KCNMA1: variants seen among roughly 807,000 people sequenced by gnomAD.
KCNMA1 encodes the protein Calcium-activated potassium channel subunit alpha-1.
A neutral mutation model predicts 140.0 loss-of-function variants in KCNMA1; 29 were observed. The observed-to-expected ratio is 0.21, with a 90% confidence interval of 0.15 to 0.28. KCNMA1 has a LOEUF of 0.28. Among genes scored for constraint, KCNMA1 ranks in the 10% least tolerant of loss-of-function variants. The pLI is 1.00. For synonymous variants in KCNMA1, 612 were observed against 611.9 expected, an observed-to-expected ratio of 1.00 and a Z score of 0.00; for missense variants, 880 against 1,602.2, an observed-to-expected ratio of 0.55 and a Z score of 7.70.
chr10:77,127,936 T>C (rs77746674), intron 5 of KCNMA1, among the ~76,000 whole-genome samples: 4,776 of 152,078 alleles, frequency 0.031, 124 homozygotes, highest in Non-Finnish European at 0.053. Flanking sequence ...ATCTCGCCAC[T>C]GCACTCCAGC....
chr10:77,005,094 G>A (rs1281699443), intron 18 of KCNMA1, among the ~76,000 whole-genome samples: 4 of 152,164 alleles, frequency 2.6e-5, no homozygotes, highest in African/African-American at 9.7e-5. Flanking sequence ...TCCCCAGGAT[G>A]TCAATGGTAA....
intron 1 of KCNMA1, among the ~76,000 whole-genome samples, chr10:77,405,364 T>C (rs1203983748): frequency 6.6e-6 from 1 of 152,252 alleles, no homozygotes; most frequent in East Asian, 1.9e-4. Flanking sequence ...TCCCCACTGC[T>C]GCAGCCTTGG....
At chr10:76,918,918 T>TCACACACACACACA (rs71477059) in intron 23 of KCNMA1, among the ~76,000 whole-genome samples, 49 of 144,252 alleles carry the variant, frequency 3.4e-4, no homozygotes, top group Middle Eastern at 3.7e-3. Flanking sequence ...ATATATCACA[T>TCACACACACACACA]CACACACACA....
intron 1 of KCNMA1, among the ~76,000 whole-genome samples, chr10:77,564,846 T>C (rs1384359738): frequency 2.0e-5 from 3 of 151,840 alleles, no homozygotes; most frequent in African/African-American, 7.3e-5. Flanking sequence ...AGTAGAGGAG[T>C]TCAGAAGTTC....
chr10:77,236,259 A>C lies in KCNMA1; in HGVS notation c.602+14936T>G, dbSNP rs143355165. On this transcript the variant is annotated intron_variant, in intron 3 of 27. Coordinates refer to ENST00000286628, the MANE Select transcript of KCNMA1 (RefSeq NM_001161352.2). ...GAGATAATGAAAGCACCATATTTGG[A>C]TCTTTCCCAGACTCTGGCCTATGTA... 2.8e-3 allele frequency among the ~76,000 whole-genome samples: 430 copies of C among 152,306 alleles called. 3 individuals carry two copies. The highest frequency in any genetic ancestry group is 9.9e-3 in the African/African-American group (410 of 41,562).
Position 77,230,409 on chromosome 10 carries a change from G to A in KCNMA1, c.602+20786C>T, listed in dbSNP as rs575571570. On this transcript the variant is annotated intron_variant, in intron 3 of 27. Transcript: ENST00000286628. The stretch of plus-strand genomic sequence containing the variant: ...TGAAGGTACGAATCACCACTGTATC[G>A]TACACATTAAAATGGCTAATAGTTA... Among the ~76,000 whole-genome samples the A allele has an allele frequency of 7.9e-5, 12 of 152,276 alleles. No individual in the cohort carries two copies. In the South Asian group the frequency reaches 1.9e-3, roughly 24 times the overall value.
chr10:77,067,615 G>T (rs901825124), intron 14 of KCNMA1, among the ~76,000 whole-genome samples: 1 of 152,138 alleles, frequency 6.6e-6, no homozygotes, highest in African/African-American at 2.4e-5. Flanking sequence ...AGCTCCACTT[G>T]GTTTAGACTC....
chr10:77,386,507 C>A (rs1469995483), intron 2 of KCNMA1, among the ~76,000 whole-genome samples: 4 of 152,160 alleles, frequency 2.6e-5, no homozygotes, highest in African/African-American at 9.7e-5. Context: ...TCTATCCAGT[C>A]GTAGGTTTGC....
intron 23 of KCNMA1, among the ~76,000 whole-genome samples, chr10:76,929,401 C>T (rs867675042): frequency 3.9e-5 from 6 of 152,178 alleles, no homozygotes; most frequent in Non-Finnish European, 7.3e-5. Context: ...ATGGACACCC[C>T]CTGGTTTATT....
At chr10:77,379,118 C>A (rs1189285194) in intron 2 of KCNMA1, among the ~76,000 whole-genome samples, 1 of 152,122 alleles carries the variant, frequency 6.6e-6, no homozygotes, top group East Asian at 1.9e-4. Context: ...TTAATGATTT[C>A]TGTGTTAAAC....
intron 23 of KCNMA1, among the ~76,000 whole-genome samples, chr10:76,943,966 A>C (rs1404211219): frequency 6.6e-6 from 1 of 152,152 alleles, no homozygotes; most frequent in Non-Finnish European, 1.5e-5. Context: ...CCCATCAGGC[A>C]GCCAATGCCA....
chr10:77,351,570 G>A (rs914463205), intron 2 of KCNMA1, among the ~76,000 whole-genome samples: 1 of 152,156 alleles, frequency 6.6e-6, no homozygotes, highest in African/African-American at 2.4e-5. Flanking sequence ...TCTGCCCCTT[G>A]CTTTCTTATT....
At chr10:77,469,591 C>G (rs530508797) in intron 1 of KCNMA1, among the ~76,000 whole-genome samples, 4 of 152,274 alleles carry the variant, frequency 2.6e-5, no homozygotes, top group Admixed American at 2.6e-4. Flanking sequence ...GCACAAAGAC[C>G]TTTAGAAACC....
intron 2 of KCNMA1, among the ~76,000 whole-genome samples, chr10:77,289,918 A>G (rs1242478799): frequency 6.6e-6 from 1 of 152,224 alleles, no homozygotes; most frequent in Non-Finnish European, 1.5e-5. Flanking sequence ...AAGTAAGCCC[A>G]TAAGAGAAAC....
At chr10:77,348,104 A>G (rs2092420389) in intron 2 of KCNMA1, among the ~76,000 whole-genome samples, 2 of 152,342 alleles carry the variant, frequency 1.3e-5, no homozygotes, top group South Asian at 4.1e-4. Flanking sequence ...TAGTTTCACT[A>G]GAATCACCGG....
intron 1 of KCNMA1, among the ~76,000 whole-genome samples, chr10:77,600,073 A>T (rs2249945): frequency 2.6e-5 from 4 of 152,108 alleles, no homozygotes; most frequent in African/African-American, 7.2e-5. Context: ...TGATCGCATC[A>T]TTTTTTCAGG....
chr10:77,383,628 A>T (rs1207606812), intron 2 of KCNMA1, among the ~76,000 whole-genome samples: 1 of 152,176 alleles, frequency 6.6e-6, no homozygotes, highest in Non-Finnish European at 1.5e-5. Flanking sequence ...TATACAAAAT[A>T]TTATCAATAA....
intron 2 of KCNMA1, among the ~76,000 whole-genome samples, chr10:77,311,905 G>T (rs1175848855): frequency 1.3e-5 from 2 of 152,136 alleles, no homozygotes; most frequent in African/African-American, 4.8e-5. Flanking sequence ...CTTTCCTAAG[G>T]GTGCACGGGT....
At chr10:77,231,710 A>T (rs934772225) in intron 3 of KCNMA1, among the ~76,000 whole-genome samples, 5 of 152,180 alleles carry the variant, frequency 3.3e-5, no homozygotes, top group African/African-American at 1.2e-4. Flanking sequence ...CCAAGGCAGC[A>T]TCCTCTCAGT....
Sources: allele counts gnomAD v4.1 joint callset (sites outside exome capture counted in the v4.1 genomes callset), GRCh38; gene constraint gnomAD v4.1.1; transcripts MANE v1.5; gene names NCBI Gene and HGNC (gene_info 2026-07-23, HGNC 2026-07-21).